Variants in SERP2 observed in about 807,000 individuals in gnomAD.
The protein encoded by SERP2 is stress associated endoplasmic reticulum protein family member 2.
In SERP2, 6 loss-of-function variants were observed where a neutral mutation model predicts 9.1. The ratio of observed to expected loss-of-function variants is 0.66; its 90% CI spans 0.36 to 1.30. SERP2 has a LOEUF of 1.30. Ranked by LOEUF, SERP2 falls within the 50% of genes most tolerant of loss-of-function variation. SERP2 has a pLI of 0.03. For synonymous variants in SERP2, 37 were observed against 27.3 expected, an observed-to-expected ratio of 1.35 and a Z score of -1.10; for missense variants, 58 against 81.9, an observed-to-expected ratio of 0.71 and a Z score of 1.13.
intron 2 of SERP2, among the ~76,000 whole-genome samples, chr13:44,386,882 G>A (rs1340725085): frequency 6.6e-6 from 1 of 152,066 alleles, no homozygotes; most frequent in Non-Finnish European, 1.5e-5. Context: ...GATCCACATC[G>A]AAGGCCAAGG....
intron 2 of SERP2, among the ~76,000 whole-genome samples, chr13:44,385,329 C>G (rs558417686): frequency 1.3e-5 from 2 of 152,172 alleles, no homozygotes; most frequent in African/African-American, 2.4e-5. Context: ...GGGACACAGT[C>G]CAGGCACCCA....
At chr13:44,389,945 C>T (rs367691805) in intron 2 of SERP2, among the ~76,000 whole-genome samples, 2 of 152,146 alleles carry the variant, frequency 1.3e-5, no homozygotes, top group Non-Finnish European at 2.9e-5. Context: ...TTCCAAATCA[C>T]GAAACTGAGG....
intron 2 of SERP2, among the ~76,000 whole-genome samples, chr13:44,388,209 TG>T (rs1872429129): frequency 6.6e-6 from 1 of 152,084 alleles, no homozygotes; most frequent in Admixed American, 6.6e-5. Context: ...GCAGCTGTTC[TG>T]GTTGAAGTGA....
At chr13:44,376,335 G>C (rs931057621) in intron 1 of SERP2, among the ~76,000 whole-genome samples, 1 of 152,154 alleles carries the variant, frequency 6.6e-6, no homozygotes, top group African/African-American at 2.4e-5. Context: ...CATTAAATGG[G>C]AACAAGTATA....
intron 2 of SERP2, among the ~76,000 whole-genome samples, chr13:44,393,333 G>T (rs1411259066): frequency 6.6e-6 from 1 of 152,186 alleles, no homozygotes; most frequent in Non-Finnish European, 1.5e-5. Context: ...TGATTTTTCA[G>T]TGGGAGTGCT....
chr13:44,374,169 GGT>G, intron 1 of SERP2, 60 bp downstream of exon 1: 1 of 799,624 alleles, frequency 1.3e-6, no homozygotes, highest in Non-Finnish European at 1.8e-6. Context: ...TGGGGCGGAA[GGT>G]GGGGGCGGGG....
intron 1 of SERP2, 31 bp downstream of exon 1, chr13:44,374,140 G>C (rs1871480490): frequency 5.8e-6 from 4 of 692,638 alleles, no homozygotes; most frequent in African/African-American, 2.1e-5. Context: ...GCCAGGCAGA[G>C]CCCTGCAGCC....
chr13:44,374,068 A>G lies in SERP2; in HGVS notation c.43A>G (p.Ser15Gly). Residue 15 changes from serine (S) to glycine (G), a missense_variant, in exon 1 of 3, where the codon AGC (serine) becomes GGC (glycine). Coordinates refer to ENST00000379179, the MANE Select transcript of SERP2 (RefSeq NM_001010897.3). ...QRIRMANEKHSKNITQRGNVA... is the reference protein window; with the variant it reads ...QRIRMANEKHGKNITQRGNVA... ...GATCCGGATGGCTAACGAGAAGCAC[A>G]GCAAAAACATCACCCAGAGGGGGAA... is the stretch of plus-strand genomic sequence containing the variant. The G allele has an allele frequency of 1.3e-6, 2 of 1,586,090 alleles. No homozygotes were observed. The highest frequency in any genetic ancestry group is 1.7e-6 in the Non-Finnish European group (2 of 1,166,794).
chr13:44,394,215 G>A (rs1051963888), intron 2 of SERP2, among the ~76,000 whole-genome samples: 4 of 152,100 alleles, frequency 2.6e-5, no homozygotes, highest in African/African-American at 9.7e-5. Context: ...TCGGCTCACT[G>A]CAACCTCCAC....
At chr13:44,390,305 A>ACCCCC in intron 2 of SERP2, 1 of 80,458 alleles carries the variant, frequency 1.2e-5, no homozygotes, top group Non-Finnish European at 2.7e-5. Context: ...GTCCCCACCC[A>ACCCCC]CCCGCCCTGG....
chr13:44,380,460 C>G (rs1471258024), intron 2 of SERP2, among the ~76,000 whole-genome samples: 1 of 152,092 alleles, frequency 6.6e-6, no homozygotes, highest in Non-Finnish European at 1.5e-5. Context: ...CAGGCTTAGG[C>G]CTCCCAGCAA....
chr13:44,392,195 T>TAAAAAAAAAAAAA (rs1566095090), intron 2 of SERP2, among the ~76,000 whole-genome samples: 2 of 282 alleles, frequency 7.1e-3, no homozygotes, highest in Non-Finnish European at 0.023. Context: ...AGACTCTGTC[T>TAAAAAAAAAAAAA]CAAAAAAAAA....
chr13:44,379,131 T>C (rs1464327510), intron 1 of SERP2, among the ~76,000 whole-genome samples: 6 of 152,200 alleles, frequency 3.9e-5, no homozygotes, highest in Admixed American at 1.3e-4. Flanking sequence ...AAATATTGAA[T>C]CTGTTAATGG....
At chr13:44,388,213 TGAAGTGAAG>T (rs1872429804) in intron 2 of SERP2, among the ~76,000 whole-genome samples, 1 of 152,122 alleles carries the variant, frequency 6.6e-6, no homozygotes, top group Admixed American at 6.6e-5. Flanking sequence ...CTGTTCTGGT[TGAAGTGAAG>T]TCTGTGTATG....
intron 2 of SERP2, among the ~76,000 whole-genome samples, chr13:44,384,348 T>C (rs1872196695): frequency 6.6e-6 from 1 of 152,182 alleles, no homozygotes. Context: ...ACCCTTCTTT[T>C]CTCTACATTT....
At chr13:44,374,181 G>GGGGGGGGC in intron 1 of SERP2, 72 bp downstream of exon 1, 1 of 448,636 alleles carries the variant, frequency 2.2e-6, no homozygotes, top group Non-Finnish European at 3.5e-6. Context: ...TGGGGGCGGG[G>GGGGGGGGC]CCGGGCGGGT....
chr13:44,377,596 A>C (rs7317604), intron 1 of SERP2, among the ~76,000 whole-genome samples: 9,280 of 152,304 alleles, frequency 0.061, 306 homozygotes, highest in Admixed American at 0.09. Flanking sequence ...ACTTGCCGGC[A>C]TGTAAGTGGT....
In SERP2 at chr13:44,385,254, T is replaced by C. The variant is rs555515137; in HGVS notation, c.157+5541T>C. Among the ~76,000 whole-genome samples, 188 of 152,320 alleles carry C rather than the reference T, an allele frequency of 1.2e-3. 1 individual carries two copies. The highest frequency in any genetic ancestry group is 0.01 in the Middle Eastern group (3 of 294). ...CCTCCTCCTCTGCATGTGCCTTTCA[T>C]GCCTGCCATCCTAGTAAGAGCAAGA... On this transcript the variant is annotated intron_variant, in intron 2 of 2. Transcript: ENST00000379179.
At chr13:44,383,371 A>G (rs1489687790) in intron 2 of SERP2, among the ~76,000 whole-genome samples, 1 of 151,988 alleles carries the variant, frequency 6.6e-6, no homozygotes, top group Non-Finnish European at 1.5e-5. Context: ...GGTTTAAAAA[A>G]CTATTATATG....
Sources: gnomAD v4.1 joint callset for allele counts (sites outside exome capture counted in the v4.1 genomes callset) on GRCh38, gnomAD v4.1.1 for gene constraint, MANE v1.5 for transcripts, NCBI Gene and HGNC (gene_info 2026-07-23, HGNC 2026-07-21) for gene names.